The following XPO4 variants were observed in gnomAD, a reference collection of about 807,000 sequenced individuals.
XPO4 encodes exportin 4.
In XPO4, 39 loss-of-function variants were observed where a neutral mutation model predicts 143.0. That is an observed-to-expected ratio of 0.27 (90% CI 0.21 to 0.36). XPO4 has a LOEUF of 0.36. XPO4 is among the 10% of genes least tolerant of loss of function. The pLI, the probability that XPO4 is intolerant of heterozygous loss-of-function variation, is 1.00. For synonymous variants in XPO4, 439 were observed against 474.0 expected (o/e 0.93, Z 0.96); for missense variants, 907 against 1,348.0 (o/e 0.67, Z 5.12).
At position 20,783,668 on chromosome 13, in the gene XPO4, G is replaced by GA; in HGVS notation, c.*53_*54insT. On this transcript the variant is annotated 3_prime_UTR_variant, in exon 23 of 23. Coordinates refer to ENST00000255305, the MANE Select transcript of XPO4 (RefSeq NM_022459.5). ...AGGACAAGACTCAAGTCAACTTTCAGCAATTCAGTGCACTTTGCAGAAAGG... is the reference window on the plus strand; with the variant it reads ...AGGACAAGACTCAAGTCAACTTTCAGACAATTCAGTGCACTTTGCAGAAAGG... 1.9e-6 allele frequency: 3 copies of GA among 1,583,696 alleles called. No individual in the cohort carries two copies. The highest frequency in any genetic ancestry group is 2.6e-6 in the Non-Finnish European group (3 of 1,153,132).
At chr13:20,879,519 G>C (rs1026617399) in intron 1 of XPO4, among the ~76,000 whole-genome samples, 1 of 152,170 alleles carries the variant, frequency 6.6e-6, no homozygotes, top group African/African-American at 2.4e-5. Flanking sequence ...TAGGCACTTG[G>C]AGGAATCCAG....
At chr13:20,824,994 A>G (rs1290153211) in intron 7 of XPO4, among the ~76,000 whole-genome samples, 1 of 152,218 alleles carries the variant, frequency 6.6e-6, no homozygotes. Context: ...CTGAAGTCCT[A>G]CGTGTCAAAG....
At chr13:20,839,304 C>A (rs567278624) in intron 6 of XPO4, among the ~76,000 whole-genome samples, 1 of 152,196 alleles carries the variant, frequency 6.6e-6, no homozygotes, top group South Asian at 2.1e-4. Flanking sequence ...TTATATGATT[C>A]CATTTATACG....
In XPO4 at chr13:20,855,637, T is replaced by C. The variant is rs17320607; in HGVS notation, c.446A>G (p.Asn149Ser). 38,142 of 1,602,836 alleles carry C rather than the reference T, an allele frequency of 0.024. 533 individuals are homozygous for C. The highest frequency in any genetic ancestry group is 0.058 in the Middle Eastern group (324 of 5,602). The change falls in exon 4 of 23, where the codon AAT becomes AGT. Residue 149 changes from asparagine to serine, a missense_variant. Coordinates refer to ENST00000255305, the MANE Select transcript of XPO4 (RefSeq NM_022459.5). ...AAATAGCACACTTACCACAGTGGGA[T>C]TGCCACTACTAATCAACTGGCTGAC... Reference protein sequence around the residue: ...HEVSQLISSGNPTVQTLACSI... With the variant: ...HEVSQLISSGSPTVQTLACSI...
At chr13:20,811,818 G>A (rs986588055) in intron 9 of XPO4, among the ~76,000 whole-genome samples, 1 of 152,132 alleles carries the variant, frequency 6.6e-6, no homozygotes, top group African/African-American at 2.4e-5. Context: ...GGATGGGGGT[G>A]TTGGACAGGG....
chr13:20,816,150 C>G (rs1442480690), intron 9 of XPO4, among the ~76,000 whole-genome samples: 2 of 152,140 alleles, frequency 1.3e-5, no homozygotes, highest in Non-Finnish European at 2.9e-5. Flanking sequence ...AGCACAATCC[C>G]CACGTCTAAC....
At chr13:20,786,007 GAA>G (rs1251095144) in intron 22 of XPO4, among the ~76,000 whole-genome samples, 16 of 151,122 alleles carry the variant, frequency 1.1e-4, no homozygotes, top group Admixed American at 2.0e-4. Context: ...AGGAAGGAAG[GAA>G]GGAAGGATCA....
chr13:20,890,282 T>C (rs191809846), intron 1 of XPO4, among the ~76,000 whole-genome samples: 1 of 151,744 alleles, frequency 6.6e-6, no homozygotes, highest in Non-Finnish European at 1.5e-5. Context: ...AAACCTTGTC[T>C]CTACAAAAAA....
intron 13 of XPO4, among the ~76,000 whole-genome samples, chr13:20,804,722 C>T (rs1471359322): frequency 1.3e-5 from 2 of 152,150 alleles, no homozygotes; most frequent in Admixed American, 6.5e-5. Flanking sequence ...ACTATATCTA[C>T]AAATATATTT....
intron 3 of XPO4, among the ~76,000 whole-genome samples, chr13:20,858,278 G>A (rs2060163178): frequency 1.3e-5 from 2 of 152,054 alleles, no homozygotes; most frequent in South Asian, 4.2e-4. Flanking sequence ...TCAGACAATT[G>A]GGAAACTCAG....
intron 1 of XPO4, among the ~76,000 whole-genome samples, chr13:20,870,025 G>C (rs559330111): frequency 2.7e-5 from 4 of 150,342 alleles, no homozygotes; most frequent in African/African-American, 9.8e-5. Context: ...GCTTGAACCC[G>C]GGAGGCAGAG....
intron 1 of XPO4, chr13:20,901,984 C>T (rs1383435674): frequency 1.6e-5 from 12 of 755,686 alleles, no homozygotes; most frequent in Non-Finnish European, 1.6e-5. Context: ...AGTAAACAAT[C>T]TCATCAAACT....
chr13:20,850,827 C>T (rs1031863529), intron 4 of XPO4: 4 of 985,280 alleles, frequency 4.1e-6, no homozygotes, highest in Non-Finnish European at 4.8e-6. Context: ...AAAAGCCAGA[C>T]TACATACAGT....
intron 9 of XPO4, among the ~76,000 whole-genome samples, chr13:20,816,260 T>C (rs995070819): frequency 2.6e-5 from 4 of 152,178 alleles, no homozygotes; most frequent in Non-Finnish European, 5.9e-5. Flanking sequence ...GTTTATGCTG[T>C]TATTCATCTG....
rs529456400 is a variant in XPO4 at position 20,872,539 on chromosome 13, A to G, written c.70-3838T>C. Among the ~76,000 whole-genome samples the G allele has an allele frequency of 6.6e-5, 10 of 152,312 alleles. No homozygotes were observed. In the South Asian group the frequency reaches 2.1e-3, roughly 32 times the overall value. Reference sequence around the variant, plus strand: ...TTATTGAGCATTTAGGATACGAGGCATTATTTTAGATAGATACATACACAA... The same window carrying G: ...TTATTGAGCATTTAGGATACGAGGCGTTATTTTAGATAGATACATACACAA... On this transcript the variant is annotated intron_variant, in intron 1 of 22. Transcript: ENST00000255305.
Position 20,834,641 on chromosome 13 carries a change from G to A in XPO4, c.728-7462C>T, listed in dbSNP as rs746640192. Among the ~76,000 whole-genome samples, 20 of 131,662 alleles carry A rather than the reference G, an allele frequency of 1.5e-4. No individual in the cohort carries two copies. The East Asian group carries it at 7.8e-3, about 51-fold the overall frequency. 86.4% of individuals were successfully genotyped at this position (131,662 alleles called of 152,430 possible). On this transcript the variant is annotated intron_variant, in intron 6 of 22. Coordinates refer to ENST00000255305, the MANE Select transcript of XPO4 (RefSeq NM_022459.5). ...TGGAAACTATAAAACAGTGTTGAAA[G>A]AAATAAAAAAAAAAAACCTTTAATA... is the stretch of plus-strand genomic sequence containing the variant.
rs532252497 is a variant in XPO4 at position 20,877,353 on chromosome 13, T to C, written c.70-8652A>G. On this transcript the variant is annotated intron_variant, in intron 1 of 22. Coordinates refer to ENST00000255305, the MANE Select transcript of XPO4 (RefSeq NM_022459.5). ...CCTAAAATGACATTTCCTGGACCCATTTCTAGCTAGGAGGATCTATGGGAT... is the reference window on the plus strand; with the variant it reads ...CCTAAAATGACATTTCCTGGACCCACTTCTAGCTAGGAGGATCTATGGGAT... Among the ~76,000 whole-genome samples, 10 of 152,326 alleles carry C rather than the reference T, an allele frequency of 6.6e-5. No individual in the cohort carries two copies. The South Asian group carries it at 2.1e-3, about 32-fold the overall frequency.
intron 18 of XPO4, 32 bp from the exon 19 acceptor site, chr13:20,790,612 G>T: frequency 6.5e-7 from 1 of 1,539,018 alleles, no homozygotes; most frequent in South Asian, 1.1e-5. Flanking sequence ...GGCTTATGGT[G>T]GTAACATCAA....
At chr13:20,834,224 T>C (rs2059888767) in intron 6 of XPO4, among the ~76,000 whole-genome samples, 1 of 152,194 alleles carries the variant, frequency 6.6e-6, no homozygotes, top group African/African-American at 2.4e-5. Flanking sequence ...GGTTTGCAGA[T>C]AATACAATTA....
Sources: gnomAD v4.1 joint callset for allele counts (sites outside exome capture counted in the v4.1 genomes callset) on GRCh38, gnomAD v4.1.1 for gene constraint, MANE v1.5 for transcripts, NCBI Gene and HGNC (gene_info 2026-07-23, HGNC 2026-07-21) for gene names.